SGCZ: variants seen among roughly 807,000 people sequenced by gnomAD.
The protein encoded by SGCZ is zeta-sarcoglycan.
SGCZ carries 40 observed loss-of-function variants against 41.3 expected under a neutral mutation model. The ratio of observed to expected loss-of-function variants is 0.97; its 90% CI spans 0.75 to 1.26. SGCZ has a LOEUF of 1.26. Ranked by LOEUF, SGCZ falls within the 50% of genes most tolerant of loss-of-function variation. SGCZ has a pLI of 0.00. For missense variants in SGCZ, 552 were observed against 369.8 expected, an observed-to-expected ratio of 1.49 and a Z score of -4.04; for synonymous variants, 206 against 137.5, an observed-to-expected ratio of 1.50 and a Z score of -3.49.
At chr8:14,868,770 G>C (rs1199689710) in intron 1 of SGCZ, among the ~76,000 whole-genome samples, 1 of 151,716 alleles carries the variant, frequency 6.6e-6, no homozygotes, top group African/African-American at 2.4e-5. Flanking sequence ...TGAAATATAA[G>C]GACAGAAATA....
intron 1 of SGCZ, among the ~76,000 whole-genome samples, chr8:15,133,741 T>C (rs1808003287): frequency 6.6e-6 from 1 of 152,180 alleles, no homozygotes; most frequent in South Asian, 2.1e-4. Flanking sequence ...CAAACGAAGA[T>C]AATAAGAGTA....
chr8:14,765,157 G>A (rs1772911899), intron 1 of SGCZ, among the ~76,000 whole-genome samples: 1 of 152,152 alleles, frequency 6.6e-6, no homozygotes, highest in Non-Finnish European at 1.5e-5. Flanking sequence ...TCCCGGGAAA[G>A]CTGTGCCCTC....
intron 2 of SGCZ, among the ~76,000 whole-genome samples, chr8:14,505,092 T>G (rs1468042660): frequency 6.6e-6 from 1 of 152,106 alleles, no homozygotes; most frequent in African/African-American, 2.4e-5. Flanking sequence ...ACGACTGTAG[T>G]GGGCCGTGAT....
chr8:14,341,019 G>A (rs1197003524), intron 2 of SGCZ, among the ~76,000 whole-genome samples: 1 of 152,156 alleles, frequency 6.6e-6, no homozygotes, highest in Non-Finnish European at 1.5e-5. Flanking sequence ...CCTCAAGTAA[G>A]TGTAATCATA....
At chr8:14,267,089 A>G (rs529034069) in intron 3 of SGCZ, among the ~76,000 whole-genome samples, 3 of 152,210 alleles carry the variant, frequency 2.0e-5, no homozygotes, top group South Asian at 4.1e-4. Context: ...TTTAATTTGG[A>G]ATATAATGAG....
At chr8:14,117,232 G>A (rs1202793069) in intron 5 of SGCZ, among the ~76,000 whole-genome samples, 1 of 151,954 alleles carries the variant, frequency 6.6e-6, no homozygotes, top group African/African-American at 2.4e-5. Flanking sequence ...ATAAGTCAGA[G>A]GTAAAATACA....
intron 1 of SGCZ, among the ~76,000 whole-genome samples, chr8:14,675,116 A>G (rs1452952490): frequency 6.7e-6 from 1 of 149,844 alleles, no homozygotes; most frequent in Non-Finnish European, 1.5e-5. Flanking sequence ...TTTTTTTTGT[A>G]TTTTTAGTAG....
intron 2 of SGCZ, among the ~76,000 whole-genome samples, chr8:14,365,592 T>C (rs1803674011): frequency 6.6e-6 from 1 of 152,170 alleles, no homozygotes; most frequent in Non-Finnish European, 1.5e-5. Flanking sequence ...ACAATTACTA[T>C]TCTCTTGAAA....
At chr8:14,298,645 G>A (rs1196049007) in intron 3 of SGCZ, among the ~76,000 whole-genome samples, 7 of 151,898 alleles carry the variant, frequency 4.6e-5, no homozygotes, top group African/African-American at 1.4e-4. Flanking sequence ...AGCAGGATCT[G>A]TTCATTGAAA....
chr8:14,477,566 T>C (rs886978684), intron 2 of SGCZ, among the ~76,000 whole-genome samples: 2 of 152,178 alleles, frequency 1.3e-5, no homozygotes, highest in South Asian at 2.1e-4. Context: ...CCTTCAGTAG[T>C]TTATCATCTA....
intron 1 of SGCZ, among the ~76,000 whole-genome samples, chr8:14,869,864 A>C (rs529448156): frequency 6.6e-6 from 1 of 152,284 alleles, no homozygotes; most frequent in South Asian, 2.1e-4. Context: ...TAGGAATCCA[A>C]CTTACAAGGA....
intron 1 of SGCZ, among the ~76,000 whole-genome samples, chr8:15,034,210 A>G (rs1803789087): frequency 6.6e-6 from 1 of 152,180 alleles, no homozygotes; most frequent in African/African-American, 2.4e-5. Flanking sequence ...CAAAGAAACA[A>G]TTGAATAAAA....
Position 15,094,130 on chromosome 8 carries a change from G to T in SGCZ, c.39+143455C>A, listed in dbSNP as rs57228835. Reference sequence around the variant, plus strand: ...ACGGCAGTTGTTTTATTTATTTATGGTTTTTTTTAAATTTTTTTTTTTGAG... The same window carrying T: ...ACGGCAGTTGTTTTATTTATTTATGTTTTTTTTTAAATTTTTTTTTTTGAG... On this transcript the variant is annotated intron_variant, in intron 1 of 7. Transcript: ENST00000382080. Among the ~76,000 whole-genome samples, 767 of 151,274 alleles carry T rather than the reference G, an allele frequency of 5.1e-3. 5 individuals carry two copies. The highest frequency in any genetic ancestry group is 0.018 in the African/African-American group (723 of 41,236).
chr8:14,658,533 A>G (rs1321428965), intron 1 of SGCZ, among the ~76,000 whole-genome samples: 1 of 151,792 alleles, frequency 6.6e-6, no homozygotes, highest in African/African-American at 2.4e-5. Flanking sequence ...TTGACCTGTT[A>G]TGCTTTTCCC....
intron 5 of SGCZ, among the ~76,000 whole-genome samples, chr8:14,150,498 C>A (rs747470295): frequency 6.6e-6 from 1 of 152,032 alleles, no homozygotes; most frequent in Non-Finnish European, 1.5e-5. Context: ...AAATGGCTTT[C>A]ATATCCAAAG....
At chr8:14,217,365 A>G (rs1175430910) in intron 4 of SGCZ, among the ~76,000 whole-genome samples, 1 of 151,666 alleles carries the variant, frequency 6.6e-6, no homozygotes, top group East Asian at 1.9e-4. Context: ...ACAAATGGAT[A>G]CATGTATAAC....
intron 1 of SGCZ, among the ~76,000 whole-genome samples, chr8:14,800,364 G>C (rs556563085): frequency 6.6e-6 from 1 of 152,308 alleles, no homozygotes; most frequent in South Asian, 2.1e-4. Flanking sequence ...GAGGAATAGG[G>C]AAGGGGTTAA....
intron 1 of SGCZ, among the ~76,000 whole-genome samples, chr8:15,045,865 A>C (rs2130985565): frequency 6.6e-6 from 1 of 152,246 alleles, no homozygotes; most frequent in South Asian, 2.1e-4. Context: ...CAAAATTGGA[A>C]GAAAAGGACC....
At chr8:14,438,168 T>A (rs1359401424) in intron 2 of SGCZ, among the ~76,000 whole-genome samples, 2 of 152,020 alleles carry the variant, frequency 1.3e-5, no homozygotes, top group African/African-American at 4.8e-5. Context: ...AACTTTAGCA[T>A]GTTGTAAAAA....
Sources: gnomAD v4.1 joint callset for allele counts (sites outside exome capture counted in the v4.1 genomes callset) on GRCh38, gnomAD v4.1.1 for gene constraint, MANE v1.5 for transcripts, NCBI Gene and HGNC (gene_info 2026-07-23, HGNC 2026-07-21) for gene names.